The following MYL4 variants were observed in gnomAD, a reference collection of about 807,000 sequenced individuals.
The protein encoded by MYL4 is myosin light chain 4.
In MYL4, 16 loss-of-function variants were observed where a neutral mutation model predicts 21.6. The ratio of observed to expected loss-of-function variants is 0.74; its 90% confidence interval spans 0.50 to 1.12. The LOEUF (loss-of-function observed/expected upper bound fraction) is 1.12. Ranked by LOEUF, MYL4 falls within the 50% of genes most tolerant of loss-of-function variation. The pLI is 0.00. For synonymous variants in MYL4, 82 were observed against 95.7 expected (o/e 0.86, Z 0.83); for missense variants, 249 against 252.9 (o/e 0.98, Z 0.11).
At chr17:47,227,256 T>C (rs2064889042), downstream of MYL4, among the ~76,000 whole-genome samples, 1 of 152,242 alleles carries the variant, frequency 6.6e-6, no homozygotes. Context: ...GAAGAGACTC[T>C]TGTCCTCCTA....
chr17:47,224,149 C>T (rs141480680), downstream of MYL4, among the ~76,000 whole-genome samples: 1 of 152,288 alleles, frequency 6.6e-6, no homozygotes, highest in East Asian at 1.9e-4. Context: ...CTGTATTAGT[C>T]TCTTTTCATG....
upstream of MYL4, among the ~76,000 whole-genome samples, chr17:47,208,442 C>T (rs1812201948): frequency 6.8e-6 from 1 of 146,330 alleles, no homozygotes; most frequent in African/African-American, 2.4e-5. Context: ...TCTGTTAAAA[C>T]AAACAAACAA....
chr17:47,199,435 C>T (rs1315354146), upstream of MYL4, among the ~76,000 whole-genome samples: 2 of 152,078 alleles, frequency 1.3e-5, no homozygotes, highest in Non-Finnish European at 2.9e-5. Context: ...ATCCTCCCGC[C>T]TTGGCCTCCC....
chr17:47,190,898 A>G, the MYL4 span, among the ~76,000 whole-genome samples: 1 of 152,270 alleles, frequency 6.6e-6, no homozygotes, highest in Non-Finnish European at 1.5e-5. Context: ...GATATAGAAG[A>G]ACATCACCAG....
intron 2 of MYL4, among the ~76,000 whole-genome samples, chr17:47,216,937 G>A (rs1251307523): frequency 6.6e-6 from 1 of 152,054 alleles, no homozygotes; most frequent in African/African-American, 2.4e-5. Flanking sequence ...CAGGTGATCT[G>A]CCCGCCTTGG....
At chr17:47,206,711 G>T (rs1394524001), upstream of MYL4, among the ~76,000 whole-genome samples, 1 of 152,156 alleles carries the variant, frequency 6.6e-6, no homozygotes, top group Non-Finnish European at 1.5e-5. Context: ...GTTGAACATG[G>T]TTTGAAAGTC....
chr17:47,203,891 T>G (rs17668126), intron 1 of MYL4, among the ~76,000 whole-genome samples: 24,394 of 152,182 alleles, frequency 0.16, 2,514 homozygotes, highest in Admixed American at 0.23. Context: ...TAACTCTCCA[T>G]GTCAGGGCTT....
intron 1 of MYL4, among the ~76,000 whole-genome samples, chr17:47,211,103 T>C (rs1011016307): frequency 1.3e-5 from 2 of 152,126 alleles, no homozygotes; most frequent in Admixed American, 1.3e-4. Flanking sequence ...GCACCCCTGG[T>C]TGCAATCCTC....
At chr17:47,209,978 G>A (rs1202040556) in intron 1 of MYL4, among the ~76,000 whole-genome samples, 1 of 152,206 alleles carries the variant, frequency 6.6e-6, no homozygotes, top group Non-Finnish European at 1.5e-5. Context: ...GTAACTTGGA[G>A]TAAGTGATAT....
downstream of MYL4, among the ~76,000 whole-genome samples, chr17:47,227,174 C>T (rs1200281343): frequency 6.6e-6 from 1 of 152,130 alleles, no homozygotes; most frequent in Non-Finnish European, 1.5e-5. Context: ...TTTTCTACTT[C>T]ACAAACCTCC....
chr17:47,220,202 T>A, intron 3 of MYL4, 149 bp downstream of exon 3: 3 of 989,756 alleles, frequency 3.0e-6, no homozygotes, highest in Non-Finnish European at 4.3e-6. Flanking sequence ...CTTACCCTAG[T>A]CCCATTTTGA....
At chr17:47,224,458 C>T (rs564407891), downstream of MYL4, among the ~76,000 whole-genome samples, 19 of 152,284 alleles carry the variant, frequency 1.2e-4, no homozygotes, top group Non-Finnish European at 2.4e-4. Context: ...CACAGCCAAA[C>T]CATATCAGTA....
chr17:47,198,897 G>T (rs2064699131), upstream of MYL4, among the ~76,000 whole-genome samples: 1 of 151,132 alleles, frequency 6.6e-6, no homozygotes, highest in Non-Finnish European at 1.5e-5. Context: ...GAGGTGGGAG[G>T]ATCTCTTGAG....
chr17:47,223,511 G>A lies in MYL4; in HGVS notation c.*18G>A, dbSNP rs1031014373. On this transcript the variant is annotated splice_region_variant and 3_prime_UTR_variant, in exon 7 of 7. Coordinates refer to ENST00000393450, the MANE Select transcript of MYL4 (RefSeq NM_002476.2). ...TTCCTCCTAGCACTTTCTTTCAGGT[G>A]CCTGGCCCTTGGCTTTAGCCATACC... 1.3e-5 allele frequency: 2 copies of A among 158,676 alleles called. No homozygotes were observed. Among genetic ancestry groups the A allele is most frequent in the African/African-American group, 4.8e-5 (2 of 41,548 alleles). 9.8% of individuals were successfully genotyped at this position (158,676 alleles called of 1,614,324 possible).
Position 47,221,842 on chromosome 17 carries a change from C to T in MYL4, c.474C>T (p.Val158=), listed in dbSNP as rs2149048808. The change falls in exon 4 of 7, where the codon GTC becomes GTT. Residue 158 remains valine (V), a synonymous_variant. Coordinates refer to ENST00000393450, the MANE Select transcript of MYL4 (RefSeq NM_002476.2). ...TCATGGGTGCTGAGCTTCGGCACGT[C>T]CTTGCCACCCTGGGTATGCCAGCTG... ...GTVMGAELRH[V]LATLGEKMTE... The T allele has an allele frequency of 1.2e-6, 2 of 1,613,278 alleles. No individual in the cohort carries two copies. Among genetic ancestry groups the T allele is most frequent in the Admixed American group, 1.7e-5 (1 of 59,936 alleles).
intron 5 of MYL4, 145 bp downstream of exon 5, chr17:47,222,602 G>T: frequency 1.4e-6 from 1 of 697,890 alleles, no homozygotes; most frequent in Non-Finnish European, 2.4e-6. Flanking sequence ...GTTCCATCTT[G>T]TGAGTGAACC....
At chr17:47,210,831 C>T (rs2064768726) in intron 1 of MYL4, among the ~76,000 whole-genome samples, 1 of 152,132 alleles carries the variant, frequency 6.6e-6, no homozygotes. Context: ...CCTGAAAACA[C>T]CTGCAGGTTT....
chr17:47,210,233 A>G (rs2064763984), intron 1 of MYL4, among the ~76,000 whole-genome samples: 1 of 152,192 alleles, frequency 6.6e-6, no homozygotes, highest in Admixed American at 6.5e-5. Flanking sequence ...CAACCGGGTC[A>G]GGAAGCTGGG....
At chr17:47,226,520 A>G (rs1010316684), downstream of MYL4, among the ~76,000 whole-genome samples, 2 of 152,274 alleles carry the variant, frequency 1.3e-5, no homozygotes, top group African/African-American at 4.8e-5. Context: ...AGGAGCTTTC[A>G]GTCTAGTGGG....
Sources: gnomAD v4.1 joint callset for allele counts (sites outside exome capture counted in the v4.1 genomes callset) on GRCh38, gnomAD v4.1.1 for gene constraint, MANE v1.5 for transcripts, NCBI Gene and HGNC (gene_info 2026-07-23, HGNC 2026-07-21) for gene names.